CCDC149: variants seen among roughly 807,000 people sequenced by gnomAD.
CCDC149 encodes coiled-coil domain-containing protein 149.
In CCDC149, 45 loss-of-function variants were observed where a neutral mutation model predicts 59.9. The observed-to-expected ratio is 0.75, with a 90% CI of 0.59 to 0.96. CCDC149 has a LOEUF of 0.96. Ranked by LOEUF, CCDC149 falls within the 40% of genes least tolerant of loss-of-function variation. CCDC149 has a pLI of 0.00. For synonymous variants in CCDC149, 245 were observed against 260.6 expected (o/e 0.94, Z 0.58); for missense variants, 584 against 664.7 (o/e 0.88, Z 1.33).
intron 8 of CCDC149, among the ~76,000 whole-genome samples, chr4:24,833,720 A>AT (rs1054614994): frequency 6.6e-6 from 1 of 152,194 alleles, no homozygotes; most frequent in Non-Finnish European, 1.5e-5. Context: ...TGTTTTCAAT[A>AT]TTTTTTATTA....
chr4:24,837,091 A>G lies in CCDC149; in HGVS notation c.662+137T>C, dbSNP rs1427989353. 4 of 788,932 alleles carry G rather than the reference A, an allele frequency of 5.1e-6. No individual in the cohort carries two copies. The highest frequency in any genetic ancestry group is 6.0e-6 in the Non-Finnish European group (3 of 502,872). 48.9% of individuals were successfully genotyped at this position (788,932 alleles called of 1,614,324 possible). On this transcript the variant is annotated intron_variant, in intron 6 of 12. Coordinates refer to ENST00000635206, the MANE Select transcript of CCDC149 (RefSeq NM_001330643.2). The surrounding 1 kb of genome is among the most constrained non-coding windows in gnomAD (Gnocchi z 4.3). Reference sequence around the variant, plus strand: ...ACTAATACATGGCATTGATGTCATCATTTCGGGGGAGTGAGTTTCTTTTCA... The same window carrying G: ...ACTAATACATGGCATTGATGTCATCGTTTCGGGGGAGTGAGTTTCTTTTCA...
chr4:24,906,910 A>T (rs1292538632), intron 1 of CCDC149, among the ~76,000 whole-genome samples: 1 of 152,124 alleles, frequency 6.6e-6, no homozygotes, highest in Non-Finnish European at 1.5e-5. Flanking sequence ...AAGATACTAG[A>T]CTAAATTAGG....
At chr4:24,839,182 CT>C (rs763819835) in intron 4 of CCDC149, among the ~76,000 whole-genome samples, 1,566 of 144,086 alleles carry the variant, frequency 0.011, 14 homozygotes, top group African/African-American at 0.03. Flanking sequence ...TACTTTCTAA[CT>C]TTTTTTTTTT....
At chr4:24,859,280 T>C (rs970019642) in intron 3 of CCDC149, among the ~76,000 whole-genome samples, 1 of 152,258 alleles carries the variant, frequency 6.6e-6, no homozygotes, top group East Asian at 1.9e-4. Flanking sequence ...CTGAGCATAT[T>C]TGAGGTAGGC....
In CCDC149 at chr4:24,862,537, T is replaced by C. The variant is rs560378173; in HGVS notation, c.265-9358A>G. Among the ~76,000 whole-genome samples the C allele has an allele frequency of 3.7e-4, 57 of 152,330 alleles. No individual in the cohort carries two copies. In the South Asian group the frequency reaches 5.6e-3, roughly 15 times the overall value. ...CTCTCATCACTGCCTATGCGCTGAATATACTTACATGATTGCTGGTGTGTG... is the reference window on the plus strand; with the variant it reads ...CTCTCATCACTGCCTATGCGCTGAACATACTTACATGATTGCTGGTGTGTG... On this transcript the variant is annotated intron_variant, in intron 3 of 12. Transcript: ENST00000635206.
At chr4:24,856,598 C>A (rs1482830969) in intron 3 of CCDC149, among the ~76,000 whole-genome samples, 1 of 152,204 alleles carries the variant, frequency 6.6e-6, no homozygotes, top group Non-Finnish European at 1.5e-5. Context: ...CTCTCCCTCA[C>A]CCCATCACAT....
intron 3 of CCDC149, among the ~76,000 whole-genome samples, chr4:24,869,838 T>C (rs1718928317): frequency 6.6e-6 from 1 of 152,132 alleles, no homozygotes; most frequent in Admixed American, 6.5e-5. Context: ...TCACAATTAG[T>C]TTAGTGGACA....
intron 1 of CCDC149, among the ~76,000 whole-genome samples, chr4:24,932,120 T>C (rs189799851): frequency 5.9e-5 from 9 of 152,092 alleles, no homozygotes; most frequent in Non-Finnish European, 1.3e-4. Flanking sequence ...TATATTATAT[T>C]GTGGCTTCTA....
In CCDC149 at chr4:24,944,455, C is replaced by T. The variant is rs542082486; in HGVS notation, c.-65+35614G>A. On this transcript the variant is annotated intron_variant, in intron 1 of 12. Transcript: ENST00000389609. ...AGGAGATATACCTAATGCTAAGTGA[C>T]GAGTTAATGGGTGCAGCACACCAAC... is the stretch of plus-strand genomic sequence containing the variant. Among the ~76,000 whole-genome samples the T allele has an allele frequency of 2.4e-4, 36 of 151,492 alleles. No individual in the cohort carries two copies. The East Asian group carries it at 2.7e-3, about 11-fold the overall frequency.
intron 9 of CCDC149, among the ~76,000 whole-genome samples, chr4:24,824,319 T>A (rs1715587273): frequency 6.6e-6 from 1 of 152,192 alleles, no homozygotes; most frequent in African/African-American, 2.4e-5. Flanking sequence ...CTTATCAGCA[T>A]CTGATGCAGG....
At chr4:24,923,017 T>G (rs185840652) in intron 1 of CCDC149, among the ~76,000 whole-genome samples, 26 of 152,280 alleles carry the variant, frequency 1.7e-4, no homozygotes, top group Middle Eastern at 6.8e-3. Flanking sequence ...CCTATATACT[T>G]GGGACTTTTT....
intron 1 of CCDC149, among the ~76,000 whole-genome samples, chr4:24,878,055 C>T (rs750125035): frequency 2.6e-5 from 4 of 152,006 alleles, no homozygotes; most frequent in East Asian, 1.9e-4. Flanking sequence ...CAAAGCAGAG[C>T]GAGAATCAGC....
intron 4 of CCDC149, among the ~76,000 whole-genome samples, chr4:24,849,880 G>C (rs549626797): frequency 1.6e-4 from 24 of 152,288 alleles, no homozygotes; most frequent in East Asian, 3.9e-4. Context: ...CAATTATTAA[G>C]TATTCTTGAA....
At chr4:24,919,928 T>A (rs1056312957) in intron 1 of CCDC149, among the ~76,000 whole-genome samples, 5 of 152,182 alleles carry the variant, frequency 3.3e-5, no homozygotes, top group African/African-American at 1.2e-4. Flanking sequence ...GAATCAGAGA[T>A]CTGGACCCCT....
At chr4:24,965,472 G>GA (rs1198889386) in intron 1 of CCDC149, among the ~76,000 whole-genome samples, 1,650 of 147,526 alleles carry the variant, frequency 0.011, 37 homozygotes, top group African/African-American at 0.033. Context: ...AATTAAATTT[G>GA]AAGTTAACGA....
chr4:24,974,755 C>G (rs16876444), intron 1 of CCDC149, among the ~76,000 whole-genome samples: 3,688 of 152,274 alleles, frequency 0.024, 149 homozygotes, highest in African/African-American at 0.085. Flanking sequence ...CTGTGGGACT[C>G]AGGGTCTCCC....
chr4:24,883,082 G>A (rs920224088), intron 1 of CCDC149, among the ~76,000 whole-genome samples: 2 of 152,106 alleles, frequency 1.3e-5, no homozygotes, highest in Admixed American at 6.5e-5. Context: ...TAAACCTCAC[G>A]GATAACCCAA....
At chr4:24,882,461 C>T (rs1719907163) in intron 1 of CCDC149, among the ~76,000 whole-genome samples, 1 of 152,180 alleles carries the variant, frequency 6.6e-6, no homozygotes, top group African/African-American at 2.4e-5. Context: ...TATTGGGACC[C>T]TCATGGGATA....
At chr4:24,964,577 C>T (rs944301153) in intron 1 of CCDC149, among the ~76,000 whole-genome samples, 1 of 152,032 alleles carries the variant, frequency 6.6e-6, no homozygotes, top group African/African-American at 2.4e-5. Context: ...GCAATATTGA[C>T]CTGTGGGACA....
Sources: gnomAD v4.1 joint callset for allele counts (sites outside exome capture counted in the v4.1 genomes callset) on GRCh38, gnomAD v4.1.1 for gene constraint, Gnocchi (gnomAD v3.1) non-coding constraint, MANE v1.5 for transcripts, NCBI Gene and HGNC (gene_info 2026-07-23, HGNC 2026-07-21) for gene names.